The following GLI2 variants were observed in gnomAD, a reference collection of about 807,000 sequenced individuals.
GLI2 encodes transcription activator GLI2.
GLI2 carries 22 observed loss-of-function variants against 78.9 expected under a neutral mutation model. That is an observed-to-expected ratio of 0.28 (90% CI 0.20 to 0.40). GLI2 has a LOEUF of 0.40. Among genes scored for constraint, GLI2 ranks in the 10% least tolerant of loss-of-function variants. GLI2 has a pLI of 1.00. For synonymous variants in GLI2, 974 were observed against 963.7 expected (o/e 1.01, Z -0.20); for missense variants, 2,097 against 2,213.2 (o/e 0.95, Z 1.05).
At chr2:120,955,527 T>A in intron 5 of GLI2, 97 bp downstream of exon 5, 1 of 817,516 alleles carries the variant, frequency 1.2e-6, no homozygotes, top group Non-Finnish European at 1.9e-6. Context: ...CAAGGACCCT[T>A]AAGGAGAGGT....
chr2:120,826,947 C>G (rs995090804), intron 2 of GLI2, among the ~76,000 whole-genome samples: 1 of 152,216 alleles, frequency 6.6e-6, no homozygotes, highest in African/African-American at 2.4e-5. Context: ...ACCCCAGCCA[C>G]GCATAACCAC....
intron 3 of GLI2, among the ~76,000 whole-genome samples, chr2:120,941,882 A>G (rs1680464591): frequency 6.6e-6 from 1 of 152,164 alleles, no homozygotes; most frequent in Admixed American, 6.5e-5. Flanking sequence ...ATGGGGAGTC[A>G]GTGACCATGA....
intron 2 of GLI2, among the ~76,000 whole-genome samples, chr2:120,857,430 CACCT>C (rs1455669424): frequency 8.4e-6 from 1 of 118,376 alleles, no homozygotes; most frequent in African/African-American, 3.4e-5. Context: ...CCCACCCACC[CACCT>C]ACCTACCCAT....
chr2:120,861,820 G>A (rs1687917735), intron 2 of GLI2, among the ~76,000 whole-genome samples: 1 of 152,212 alleles, frequency 6.6e-6, no homozygotes, highest in African/African-American at 2.4e-5. Flanking sequence ...TAGCTGGCCT[G>A]TCCACCCCAC....
At chr2:120,937,000 G>A (rs1489233853) in intron 3 of GLI2, among the ~76,000 whole-genome samples, 9 of 152,174 alleles carry the variant, frequency 5.9e-5, no homozygotes, top group African/African-American at 1.2e-4. Context: ...TCTGGTGCCC[G>A]TCAAAAAGTA....
chr2:120,774,803 C>T (rs979760519), intron 1 of GLI2, among the ~76,000 whole-genome samples: 2 of 152,220 alleles, frequency 1.3e-5, no homozygotes, highest in African/African-American at 2.4e-5. Flanking sequence ...TGCTGCATGA[C>T]TCCATTGGTA....
At position 120,740,783 on chromosome 2, in the gene GLI2, G is replaced by T. The variant is rs111747522; in HGVS notation, c.-31+4498G>T. On this transcript the variant is annotated intron_variant, in intron 1 of 13. Transcript: ENST00000361492. ...CCAAAAACAGCAGTGAAATAAAGGGGACTTTTTATTCATTAGCACGGGATT... is the reference window on the plus strand; with the variant it reads ...CCAAAAACAGCAGTGAAATAAAGGGTACTTTTTATTCATTAGCACGGGATT... Among the ~76,000 whole-genome samples, 1,118 of 152,360 alleles carry T rather than the reference G, an allele frequency of 7.3e-3. 14 individuals are homozygous for T. The highest frequency in any genetic ancestry group is 0.025 in the African/African-American group (1,047 of 41,588).
chr2:120,912,788 A>C (rs1289679665), intron 2 of GLI2, among the ~76,000 whole-genome samples: 3 of 151,914 alleles, frequency 2.0e-5, no homozygotes, highest in Non-Finnish European at 4.4e-5. Flanking sequence ...GTCTGGGAAC[A>C]CTCCAAGCTT....
intron 4 of GLI2, among the ~76,000 whole-genome samples, chr2:120,954,772 G>A (rs997907392): frequency 1.3e-5 from 2 of 152,194 alleles, no homozygotes; most frequent in African/African-American, 4.8e-5. Flanking sequence ...ATGTGTGCAG[G>A]CCAGGAGCTT....
At chr2:120,922,911 C>T (rs538370251) in intron 2 of GLI2, among the ~76,000 whole-genome samples, 16 of 152,254 alleles carry the variant, frequency 1.1e-4, no homozygotes, top group Middle Eastern at 3.4e-3. Flanking sequence ...CTCCTGTGAC[C>T]TCCACAGCCT....
At chr2:120,808,408 T>C (rs1558807724) in intron 2 of GLI2, among the ~76,000 whole-genome samples, 2 of 152,106 alleles carry the variant, frequency 1.3e-5, no homozygotes, top group Non-Finnish European at 2.9e-5. Context: ...TCCTGTGACC[T>C]CTCCCCAGTG....
At chr2:120,816,315 C>T (rs1456625617) in intron 2 of GLI2, among the ~76,000 whole-genome samples, 1 of 151,786 alleles carries the variant, frequency 6.6e-6, no homozygotes, top group Non-Finnish European at 1.5e-5. Context: ...CCTGCCTCAG[C>T]CTCCTGAGTA....
At chr2:120,762,085 G>A (rs1370984073) in intron 1 of GLI2, among the ~76,000 whole-genome samples, 1 of 152,182 alleles carries the variant, frequency 6.6e-6, no homozygotes. Context: ...TCTGCTGGGG[G>A]CACAGGGAAG....
chr2:120,766,856 T>C (rs1209023450), intron 1 of GLI2, among the ~76,000 whole-genome samples: 1 of 152,132 alleles, frequency 6.6e-6, no homozygotes, highest in Non-Finnish European at 1.5e-5. Flanking sequence ...CTGGGAAAAA[T>C]TCCAGAGGCT....
At chr2:120,903,415 TG>T (rs1448325641) in intron 2 of GLI2, among the ~76,000 whole-genome samples, 1 of 152,098 alleles carries the variant, frequency 6.6e-6, no homozygotes, top group Non-Finnish European at 1.5e-5. Flanking sequence ...CTCTTGATTG[TG>T]GGTTCTGGGT....
In GLI2 at chr2:120,896,638, T is replaced by C. The variant is rs944700611; in HGVS notation, c.149-30723T>C. Among the ~76,000 whole-genome samples the C allele has an allele frequency of 5.5e-3, 654 of 119,398 alleles. 3 individuals are homozygous for C. Among genetic ancestry groups the C allele is most frequent in the African/African-American group, 0.019 (625 of 32,930 alleles). 78.3% of individuals were successfully genotyped at this position (119,398 alleles called of 152,430 possible). A position where few individuals can be genotyped will look rare whatever the true frequency, so the allele number is the denominator to read the frequency against. ...CATGGCTTCCTTTGAAAAACACACATACACACACACACACACACACACATA... is the reference window on the plus strand; with the variant it reads ...CATGGCTTCCTTTGAAAAACACACACACACACACACACACACACACACATA... On this transcript the variant is annotated intron_variant, in intron 2 of 13. Coordinates refer to ENST00000361492, the MANE Select transcript of GLI2 (RefSeq NM_001374353.1).
intron 3 of GLI2, among the ~76,000 whole-genome samples, chr2:120,941,137 G>A (rs1188538364): frequency 6.6e-6 from 1 of 152,238 alleles, no homozygotes; most frequent in Non-Finnish European, 1.5e-5. Flanking sequence ...GCCTCCCCAT[G>A]AGGACAGACT....
At chr2:120,893,284 C>T (rs549583056) in intron 2 of GLI2, among the ~76,000 whole-genome samples, 1 of 152,294 alleles carries the variant, frequency 6.6e-6, no homozygotes, top group South Asian at 2.1e-4. Flanking sequence ...AAGCCCAGCC[C>T]CTGAAGGGAG....
At chr2:120,846,290 A>G (rs950836339) in intron 2 of GLI2, among the ~76,000 whole-genome samples, 4 of 152,204 alleles carry the variant, frequency 2.6e-5, no homozygotes, top group African/African-American at 9.6e-5. Flanking sequence ...GGTGAGAGAT[A>G]GGTGGAGTTC....
Sources: allele counts gnomAD v4.1 joint callset (sites outside exome capture counted in the v4.1 genomes callset), GRCh38; gene constraint gnomAD v4.1.1; transcripts MANE v1.5; gene names NCBI Gene and HGNC (gene_info 2026-07-23, HGNC 2026-07-21).